Variants in MAPK10 observed in about 807,000 individuals in gnomAD.
The protein encoded by MAPK10 is JNK3 alpha protein kinase.
MAPK10 carries 25 observed loss-of-function variants against 59.3 expected under a neutral mutation model. That is an observed-to-expected ratio of 0.42 (90% CI 0.31 to 0.59). The LOEUF (loss-of-function observed/expected upper bound fraction) is 0.59, where lower values mean the gene tolerates loss of function less well. Ranked by LOEUF, MAPK10 falls within the 20% of genes least tolerant of loss-of-function variation. The probability of loss-of-function intolerance (pLI) is 0.15; values close to 1 mark genes in which losing one functional copy is unlikely to be tolerated. For missense variants in MAPK10, 351 were observed against 568.9 expected, an observed-to-expected ratio of 0.62 and a Z score of 3.90; for synonymous variants, 190 against 200.5, an observed-to-expected ratio of 0.95 and a Z score of 0.44.
At chr4:86,580,501 A>G (rs1203566790) in intron 1 of MAPK10, among the ~76,000 whole-genome samples, 2 of 128,540 alleles carry the variant, frequency 1.6e-5, no homozygotes, top group African/African-American at 5.2e-5. Flanking sequence ...TCCACCTCAG[A>G]AAAAAAAAAG....
At chr4:86,224,429 A>G (rs12505443) in intron 2 of MAPK10, among the ~76,000 whole-genome samples, 12,888 of 152,196 alleles carry the variant, frequency 0.085, 1,198 homozygotes, top group African/African-American at 0.23. Context: ...GTAGAAGTGC[A>G]CTAGGTAAAA....
chr4:86,311,188 A>T (rs989775431), intron 2 of MAPK10, among the ~76,000 whole-genome samples: 3 of 152,132 alleles, frequency 2.0e-5, no homozygotes, highest in Non-Finnish European at 2.9e-5. Context: ...AAATGTATTA[A>T]TATCAACAAA....
intron 2 of MAPK10, among the ~76,000 whole-genome samples, chr4:86,309,127 T>C (rs2095623375): frequency 6.6e-6 from 1 of 152,214 alleles, no homozygotes; most frequent in African/African-American, 2.4e-5. Flanking sequence ...CAGTATTCTT[T>C]GCTGGCACTG....
intron 9 of MAPK10, among the ~76,000 whole-genome samples, chr4:86,086,464 T>A (rs2051879538): frequency 6.6e-6 from 1 of 152,198 alleles, no homozygotes; most frequent in Non-Finnish European, 1.5e-5. Context: ...CCATCTTCCA[T>A]GATGTGATTA....
At chr4:86,440,444 G>A (rs1749268885) in intron 1 of MAPK10, among the ~76,000 whole-genome samples, 2 of 151,964 alleles carry the variant, frequency 1.3e-5, no homozygotes, top group Non-Finnish European at 2.9e-5. Context: ...AGATCAGCCT[G>A]GGCAAGTGAG....
intron 1 of MAPK10, among the ~76,000 whole-genome samples, chr4:86,445,628 G>T (rs1016992619): frequency 1.3e-5 from 2 of 151,496 alleles, no homozygotes; most frequent in Non-Finnish European, 2.9e-5. Context: ...ACAGAAAGAA[G>T]CCAGAGGGAA....
At chr4:86,322,193 G>A (rs1268756653) in intron 2 of MAPK10, among the ~76,000 whole-genome samples, 1 of 152,112 alleles carries the variant, frequency 6.6e-6, no homozygotes, top group Admixed American at 6.5e-5. Context: ...AACTATTTAA[G>A]GAACAGCTTC....
chr4:86,365,598 A>T (rs1737732643), intron 1 of MAPK10, among the ~76,000 whole-genome samples: 1 of 151,966 alleles, frequency 6.6e-6, no homozygotes, highest in Non-Finnish European at 1.5e-5. Flanking sequence ...GTTAATTATA[A>T]TTATCTGCAG....
chr4:86,299,865 A>G (rs1383249403), intron 2 of MAPK10, among the ~76,000 whole-genome samples: 1 of 152,054 alleles, frequency 6.6e-6, no homozygotes, highest in African/African-American at 2.4e-5. Context: ...ATCTTTTAAG[A>G]GAGACAATAA....
intron 3 of MAPK10, among the ~76,000 whole-genome samples, chr4:86,183,207 T>C (rs898077558): frequency 6.6e-6 from 1 of 152,110 alleles, no homozygotes; most frequent in Admixed American, 6.6e-5. Context: ...GTTACATATG[T>C]ATACATGTGC....
intron 1 of MAPK10, chr4:86,357,745 C>T (rs976643933): frequency 6.6e-6 from 1 of 152,188 alleles, no homozygotes; most frequent in South Asian, 2.1e-4. Flanking sequence ...TGTTCTGGGG[C>T]TAGCAGGCAG....
At position 86,016,104 on chromosome 4, in the gene MAPK10, TG is replaced by T. The variant is rs1374509695; in HGVS notation, c.*1123del. On this transcript the variant is annotated 3_prime_UTR_variant, in exon 14 of 14. Transcript: ENST00000641462. The stretch of plus-strand genomic sequence containing the variant: ...CATTTTTTTGTTGAAGGAATTCACA[TG>T]GAGGCAATTCTGCTCAGTTCCAGAG... 6.6e-6 allele frequency: 1 copy of T among 152,204 alleles called. No individual in the cohort carries two copies. Among genetic ancestry groups the T allele is most frequent in the Admixed American group, 6.5e-5 (1 of 15,282 alleles). 9.4% of individuals were successfully genotyped at this position (152,204 alleles called of 1,614,324 possible).
At chr4:86,028,041 G>A (rs957964536) in intron 13 of MAPK10, 1 of 152,202 alleles carries the variant, frequency 6.6e-6, no homozygotes, top group Non-Finnish European at 1.5e-5. Flanking sequence ...ATGAGTACAT[G>A]ACAATATGTT....
At chr4:86,501,905 A>G (rs1755363105) in intron 1 of MAPK10, among the ~76,000 whole-genome samples, 1 of 152,088 alleles carries the variant, frequency 6.6e-6, no homozygotes, top group Admixed American at 6.6e-5. Context: ...GGAGACTCAC[A>G]TCCATAATTG....
At chr4:86,244,433 A>G (rs1033552576) in intron 2 of MAPK10, among the ~76,000 whole-genome samples, 1 of 152,228 alleles carries the variant, frequency 6.6e-6, no homozygotes, top group Admixed American at 6.5e-5. Context: ...TGCAATTTTT[A>G]AAATAGATTT....
upstream of MAPK10, among the ~76,000 whole-genome samples, chr4:86,363,687 C>T (rs1321950979): frequency 6.6e-6 from 1 of 152,106 alleles, no homozygotes; most frequent in Non-Finnish European, 1.5e-5. Flanking sequence ...ATATACAGTA[C>T]ATTATTGTTG....
chr4:86,464,993 C>G (rs1030478467), intron 1 of MAPK10, among the ~76,000 whole-genome samples: 58 of 152,318 alleles, frequency 3.8e-4, no homozygotes, highest in African/African-American at 1.1e-3. Context: ...GTCTCAAACA[C>G]AGATACAGCA....
At chr4:86,459,300 C>CTGG (rs990026267) in intron 1 of MAPK10, among the ~76,000 whole-genome samples, 1 of 152,152 alleles carries the variant, frequency 6.6e-6, no homozygotes, top group Non-Finnish European at 1.5e-5. Context: ...TTCTACGCTG[C>CTGG]TGGTGGGAAC....
At chr4:86,018,078 C>T (rs775880753) in intron 13 of MAPK10, among the ~76,000 whole-genome samples, 4 of 152,168 alleles carry the variant, frequency 2.6e-5, no homozygotes, top group Non-Finnish European at 4.4e-5. Context: ...CATTGAAAGC[C>T]TCTGGCTTAT....
Sources: allele counts gnomAD v4.1 joint callset (sites outside exome capture counted in the v4.1 genomes callset), GRCh38; gene constraint gnomAD v4.1.1; transcripts MANE v1.5; gene names NCBI Gene and HGNC (gene_info 2026-07-23, HGNC 2026-07-21).